The following IRAG2 variants were observed in gnomAD, a reference collection of about 807,000 sequenced individuals.
The protein encoded by IRAG2 is lymphoid restricted membrane protein.
IRAG2 carries 45 observed loss-of-function variants against 69.9 expected under a neutral mutation model. The observed-to-expected ratio is 0.64, with a 90% CI of 0.51 to 0.83. The LOEUF is 0.83. Among genes scored for constraint, IRAG2 ranks in the 40% least tolerant of loss-of-function variants. The pLI, the probability that IRAG2 is intolerant of heterozygous loss-of-function variation, is 0.00. For synonymous variants in IRAG2, 193 were observed against 202.4 expected, an observed-to-expected ratio of 0.95 and a Z score of 0.40; for missense variants, 520 against 587.0, an observed-to-expected ratio of 0.89 and a Z score of 1.18.
At chr12:25,008,124 C>G (rs1283869406) in intron 2 of IRAG2, among the ~76,000 whole-genome samples, 1 of 152,062 alleles carries the variant, frequency 6.6e-6, no homozygotes, top group Non-Finnish European at 1.5e-5. Context: ...AAGGCCTAGA[C>G]CTATATTTTC....
intron 10 of IRAG2, among the ~76,000 whole-genome samples, chr12:25,086,807 A>G (rs1369228791): frequency 6.6e-6 from 1 of 152,226 alleles, no homozygotes; most frequent in Non-Finnish European, 1.5e-5. Flanking sequence ...GGGAGTTGAT[A>G]GCTGGTGAGA....
chr12:25,029,645 A>G (rs943651395), intron 9 of IRAG2, among the ~76,000 whole-genome samples: 2 of 151,754 alleles, frequency 1.3e-5, no homozygotes, highest in African/African-American at 4.8e-5. Flanking sequence ...GCTAAAAGAA[A>G]TCTTAAGCAT....
At chr12:25,020,153 T>C (rs1327590207) in intron 6 of IRAG2, among the ~76,000 whole-genome samples, 3 of 152,262 alleles carry the variant, frequency 2.0e-5, no homozygotes, top group African/African-American at 4.8e-5. Context: ...GGGAACAGTC[T>C]ATAATCTAAC....
At position 25,104,041 on chromosome 12, in the gene IRAG2, T is replaced by C. The variant is rs1565592794; in HGVS notation, c.1029T>C (p.Ser343=). The C allele has an allele frequency of 3.1e-6, 5 of 1,613,496 alleles. No homozygotes were observed. The highest frequency in any genetic ancestry group is 1.7e-5 in the Admixed American group (1 of 60,024). The change falls in exon 19 of 22, where the codon AGT becomes AGC. Residue 343 remains serine (S), a synonymous_variant. Coordinates refer to ENST00000556887, the MANE Select transcript of IRAG2 (RefSeq NM_001366544.2). Reference sequence around the variant, plus strand: ...GGATGGAAAATAATGATCGATTCAGTAGAAGGTCAAGCAGTTGGTAAGTGT... The same window carrying C: ...GGATGGAAAATAATGATCGATTCAGCAGAAGGTCAAGCAGTTGGTAAGTGT... ...VAGMENNDRF[S]RRSSSWRILG...
Position 25,079,307 on chromosome 12 carries a change from T to C in IRAG2, c.71+17T>C, listed in dbSNP as rs1342467084. The C allele has an allele frequency of 1.2e-6, 2 of 1,613,096 alleles. No individual in the cohort carries two copies. Among genetic ancestry groups the C allele is most frequent in the Non-Finnish European group, 1.7e-6 (2 of 1,179,158 alleles). On this transcript the variant is annotated intron_variant, in intron 7 of 21. Transcript: ENST00000556887. ...GCAGTCCAGGTTTGCTTGTTTGTGT[T>C]GTGTGTGTGAATTTGTATGCATATT...
intron 15 of IRAG2, among the ~76,000 whole-genome samples, chr12:25,098,154 A>C (rs895207519): frequency 6.6e-6 from 1 of 152,174 alleles, no homozygotes; most frequent in Non-Finnish European, 1.5e-5. Context: ...CATTTGGCGA[A>C]TCTACAAGTA....
At chr12:25,015,924 G>A (rs1591925220) in intron 5 of IRAG2, among the ~76,000 whole-genome samples, 1 of 152,258 alleles carries the variant, frequency 6.6e-6, no homozygotes, top group Non-Finnish European at 1.5e-5. Flanking sequence ...GGCTGGGCGC[G>A]GTGCCTCACG....
At chr12:25,013,263 G>A (rs1944491483) in intron 3 of IRAG2, among the ~76,000 whole-genome samples, 1 of 152,164 alleles carries the variant, frequency 6.6e-6, no homozygotes, top group Non-Finnish European at 1.5e-5. Flanking sequence ...CATCACCTGA[G>A]GCCAGGAGTT....
chr12:25,074,496 C>G (rs1486050661), intron 6 of IRAG2, among the ~76,000 whole-genome samples: 1 of 152,126 alleles, frequency 6.6e-6, no homozygotes, highest in Admixed American at 6.5e-5. Flanking sequence ...CATGTCTCTG[C>G]AGTTCTTTTG....
At chr12:25,061,380 T>C (rs1945626154) in intron 1 of IRAG2, among the ~76,000 whole-genome samples, 1 of 152,042 alleles carries the variant, frequency 6.6e-6, no homozygotes, top group Non-Finnish European at 1.5e-5. Context: ...CAAAACTAGC[T>C]GAGTGTGGGT....
rs1157562798 is a variant in IRAG2, at chr12:25,076,712, A to C, written c.25-2532A>C. 10 of 565,996 alleles carry C rather than the reference A, an allele frequency of 1.8e-5. No homozygotes were observed. In the Admixed American group the frequency reaches 5.7e-4, roughly 32 times the overall value. 35.1% of individuals were successfully genotyped at this position (565,996 alleles called of 1,614,324 possible). A position where few individuals can be genotyped will look rare whatever the true frequency, so the allele number is the denominator to read the frequency against. On this transcript the variant is annotated intron_variant, in intron 6 of 21. Transcript: ENST00000556887. ...ATAGTGCAATAATAAATGTTATTTC[A>C]TGCTACAGATAGTAACAATGTGTTT...
chr12:25,064,106 G>GC (rs1230293831), intron 4 of IRAG2, among the ~76,000 whole-genome samples: 1 of 152,094 alleles, frequency 6.6e-6, no homozygotes, highest in Non-Finnish European at 1.5e-5. Context: ...TTCGAGACCA[G>GC]CCCGGGCAAC....
exon 8 of IRAG2, chr12:25,023,883 C>G (rs928650958): frequency 4.2e-5 from 51 of 1,227,086 alleles, no homozygotes; most frequent in Non-Finnish European, 4.1e-5. Flanking sequence ...GACAGAAAAC[C>G]GGGCTCTGAT....
At chr12:25,056,724 T>C in intron 1 of IRAG2, among the ~76,000 whole-genome samples, 1 of 152,234 alleles carries the variant, frequency 6.6e-6, no homozygotes, top group Non-Finnish European at 1.5e-5. Flanking sequence ...ATAGAAATTA[T>C]GTTGTTTCAT....
chr12:25,028,621 G>T (rs536171190), intron 9 of IRAG2, among the ~76,000 whole-genome samples: 2 of 152,028 alleles, frequency 1.3e-5, no homozygotes, highest in African/African-American at 4.8e-5. Flanking sequence ...ACATATTTTT[G>T]TTATCTGTCA....
At chr12:25,058,567 G>A (rs916486456) in intron 1 of IRAG2, among the ~76,000 whole-genome samples, 1 of 152,116 alleles carries the variant, frequency 6.6e-6, no homozygotes, top group Non-Finnish European at 1.5e-5. Flanking sequence ...AGTATAGATA[G>A]TATTATACAA....
At chr12:25,000,398 G>A (rs59751034), upstream of IRAG2, among the ~76,000 whole-genome samples, 3,666 of 152,242 alleles carry the variant, frequency 0.024, 90 homozygotes, top group African/African-American at 0.064. Context: ...AGTGAGCCGA[G>A]ATTGTGCCAC....
chr12:25,073,917 C>T (rs889706324), intron 6 of IRAG2, among the ~76,000 whole-genome samples: 8 of 152,348 alleles, frequency 5.3e-5, no homozygotes, highest in South Asian at 2.1e-4. Flanking sequence ...ATCTGCATGA[C>T]GGATATACCA....
upstream of IRAG2, among the ~76,000 whole-genome samples, chr12:25,051,985 A>G (rs550128639): frequency 3.9e-5 from 6 of 152,334 alleles, no homozygotes; most frequent in Non-Finnish European, 8.8e-5. Context: ...TGAACACACC[A>G]GTGTAAAAGA....
Sources: gnomAD v4.1 joint callset for allele counts (sites outside exome capture counted in the v4.1 genomes callset) on GRCh38, gnomAD v4.1.1 for gene constraint, MANE v1.5 for transcripts, NCBI Gene and HGNC (gene_info 2026-07-23, HGNC 2026-07-21) for gene names.